The following ATL2 variants were observed in gnomAD, a reference collection of about 807,000 sequenced individuals.
The protein encoded by ATL2 is atlastin-2.
Under a neutral mutation model 73.9 loss-of-function variants are expected in ATL2, and 31 were observed. That is an observed-to-expected ratio of 0.42 (90% CI 0.32 to 0.57). The LOEUF (loss-of-function observed/expected upper bound fraction) is 0.57. Among genes scored for constraint, ATL2 ranks in the 20% least tolerant of loss-of-function variants. The pLI is 0.14. For missense variants in ATL2, 738 were observed against 702.6 expected, an observed-to-expected ratio of 1.05 and a Z score of -0.57; for synonymous variants, 291 against 237.5, an observed-to-expected ratio of 1.23 and a Z score of -2.07.
intron 1 of ATL2, among the ~76,000 whole-genome samples, chr2:38,350,530 C>G (rs1043246993): frequency 2.6e-5 from 4 of 152,108 alleles, no homozygotes; most frequent in Non-Finnish European, 5.9e-5. Context: ...TGGTTGATAC[C>G]TGTCATTATA....
chr2:38,351,657 C>G (rs896602197), intron 1 of ATL2, among the ~76,000 whole-genome samples: 13 of 151,980 alleles, frequency 8.6e-5, no homozygotes, highest in African/African-American at 2.9e-4. Context: ...CCACGCCTGG[C>G]TAATTCTTTT....
intron 2 of ATL2, among the ~76,000 whole-genome samples, chr2:38,322,955 A>G (rs1221032152): frequency 6.6e-6 from 1 of 152,244 alleles, no homozygotes; most frequent in Non-Finnish European, 1.5e-5. Flanking sequence ...GTAAAAGTGT[A>G]TAATTTCTCT....
intron 1 of ATL2, among the ~76,000 whole-genome samples, chr2:38,352,133 C>CAAAAAAAAAAAAAAAA (rs778821586): frequency 3.1e-5 from 1 of 31,998 alleles, no homozygotes; most frequent in Non-Finnish European, 7.9e-5. Flanking sequence ...AAACAACAAC[C>CAAAAAAAAAAAAAAAA]AAAAAAAAAA....
chr2:38,314,676 A>C lies in ATL2; in HGVS notation c.655-12T>G, dbSNP rs757390101. ...TACTCTGTAAATAACTATTAAATAG[A>C]GTTAGTTAAAATAATGCCTCTAAAG... On this transcript the variant is annotated splice_polypyrimidine_tract_variant and intron_variant, in intron 5 of 12. Transcript: ENST00000378954. 5.8e-6 allele frequency: 9 copies of C among 1,552,838 alleles called. No homozygotes were observed. Among genetic ancestry groups the C allele is most frequent in the Non-Finnish European group, 8.0e-6 (9 of 1,128,080 alleles).
intron 1 of ATL2, among the ~76,000 whole-genome samples, chr2:38,365,824 A>G (rs2124481771): frequency 1.3e-5 from 2 of 151,734 alleles, no homozygotes; most frequent in South Asian, 4.2e-4. Context: ...GTGTGTACCT[A>G]AAATCCCAGT....
intron 2 of ATL2, among the ~76,000 whole-genome samples, chr2:38,338,759 A>G (rs1166587994): frequency 6.6e-6 from 1 of 152,182 alleles, no homozygotes; most frequent in Non-Finnish European, 1.5e-5. Flanking sequence ...TACCATTCCT[A>G]GCAGTACCAC....
chr2:38,299,178 A>C lies in ATL2; in HGVS notation c.1200+78T>G. On this transcript the variant is annotated intron_variant, in intron 11 of 12. Coordinates refer to ENST00000378954, the MANE Select transcript of ATL2 (RefSeq NM_001135673.4). ...CTGCACAAATTCGCTCAATTATTTA[A>C]AAAATTTTTTTAATTTTTTTTTTTT... 3.0e-6 allele frequency: 4 copies of C among 1,341,918 alleles called. No homozygotes were observed. The South Asian group carries it at 7.1e-5, about 24-fold the overall frequency. 83.1% of individuals were successfully genotyped at this position (1,341,918 alleles called of 1,614,324 possible).
intron 2 of ATL2, among the ~76,000 whole-genome samples, chr2:38,329,758 G>A (rs897201191): frequency 1.3e-5 from 2 of 152,124 alleles, no homozygotes; most frequent in Admixed American, 6.6e-5. Context: ...ATGATCAAGT[G>A]GGATTTACTC....
At chr2:38,312,206 T>C (rs1433773558) in intron 7 of ATL2, among the ~76,000 whole-genome samples, 4 of 152,208 alleles carry the variant, frequency 2.6e-5, no homozygotes, top group Non-Finnish European at 4.4e-5. Flanking sequence ...GTTTCCCAAA[T>C]TGATATGGTT....
intron 5 of ATL2, among the ~76,000 whole-genome samples, chr2:38,314,898 T>G (rs1320213824): frequency 6.6e-6 from 1 of 152,332 alleles, no homozygotes; most frequent in East Asian, 1.9e-4. Flanking sequence ...GGCTTCCAAG[T>G]GTAAATTCAT....
chr2:38,330,936 A>G (rs1373946728), intron 2 of ATL2, among the ~76,000 whole-genome samples: 2 of 152,218 alleles, frequency 1.3e-5, no homozygotes, highest in Non-Finnish European at 2.9e-5. Context: ...AAAAAGAACA[A>G]AATGGGACTC....
At chr2:38,331,744 T>C (rs1013804281) in intron 2 of ATL2, among the ~76,000 whole-genome samples, 3 of 152,038 alleles carry the variant, frequency 2.0e-5, no homozygotes, top group African/African-American at 7.2e-5. Flanking sequence ...AGTGGAAGTG[T>C]TGAAAAGTCT....
chr2:38,375,976 G>A (rs955802117), intron 1 of ATL2: 5 of 1,056,706 alleles, frequency 4.7e-6, no homozygotes, highest in Non-Finnish European at 6.2e-6. Flanking sequence ...TCCTATTAAA[G>A]TGAGTCCTTG....
At chr2:38,368,594 T>C (rs1037941540) in intron 1 of ATL2, among the ~76,000 whole-genome samples, 2 of 152,124 alleles carry the variant, frequency 1.3e-5, no homozygotes, top group Admixed American at 6.5e-5. Context: ...GCCTAAAGAC[T>C]AAGACTACCA....
intron 12 of ATL2, among the ~76,000 whole-genome samples, chr2:38,296,949 T>G (rs1450606909): frequency 6.6e-6 from 1 of 152,166 alleles, no homozygotes; most frequent in Non-Finnish European, 1.5e-5. Flanking sequence ...CAGAAAATGA[T>G]CCAAAATTTT....
intron 2 of ATL2, among the ~76,000 whole-genome samples, chr2:38,322,151 G>A (rs1043442678): frequency 6.6e-6 from 1 of 150,722 alleles, no homozygotes; most frequent in Non-Finnish European, 1.5e-5. Flanking sequence ...TTGCACTGTT[G>A]TAAGTTCTGA....
At chr2:38,362,210 T>G (rs1240653824) in intron 1 of ATL2, among the ~76,000 whole-genome samples, 1 of 152,218 alleles carries the variant, frequency 6.6e-6, no homozygotes, top group East Asian at 1.9e-4. Context: ...ATTTGAGATT[T>G]CTAGCTCCCT....
intron 4 of ATL2, among the ~76,000 whole-genome samples, chr2:38,316,391 T>C (rs1204263905): frequency 1.3e-5 from 2 of 152,174 alleles, no homozygotes; most frequent in African/African-American, 4.8e-5. Context: ...CAGGGCCAGG[T>C]TGCAAACAGC....
chr2:38,298,403 T>G lies in ATL2; in HGVS notation c.1373A>C (p.Asn458Thr). ...LEAEIEETYA[N>T]FIKHNDGKNI... Reference sequence around the variant, plus strand: ...TTTGCCATCATTGTGCTTTATAAAATTTGCATAGGTTTCTTCAATTTCAGC... The same window carrying G: ...TTTGCCATCATTGTGCTTTATAAAAGTTGCATAGGTTTCTTCAATTTCAGC... Residue 458 changes from asparagine (N) to threonine (T), a missense_variant, in exon 12 of 13, where the codon AAT (asparagine) becomes ACT (threonine). By Grantham distance (65) the Asn-to-Thr change is moderately conservative. Transcript: ENST00000378954. 1.2e-6 allele frequency: 2 copies of G among 1,614,178 alleles called. No individual in the cohort carries two copies. Among genetic ancestry groups the G allele is most frequent in the Non-Finnish European group, 1.7e-6 (2 of 1,180,020 alleles).
Sources: gnomAD v4.1 joint callset for allele counts (sites outside exome capture counted in the v4.1 genomes callset) on GRCh38, gnomAD v4.1.1 for gene constraint, MANE v1.5 for transcripts, NCBI Gene and HGNC (gene_info 2026-07-23, HGNC 2026-07-21) for gene names.